Variants in CTXND1 observed in about 807,000 individuals in gnomAD.
CTXND1 encodes the protein cortexin domain-containing 1 protein.
At chr15:80,221,829 A>G (rs1390009847) in intron 1 of CTXND1, among the ~76,000 whole-genome samples, 2 of 152,152 alleles carry the variant, frequency 1.3e-5, no homozygotes, top group Non-Finnish European at 2.9e-5. Context: ...ATTCATTTCT[A>G]TGTAGTCTCA....
chr15:80,205,124 T>C (rs1219305914), intron 1 of CTXND1, among the ~76,000 whole-genome samples: 2 of 152,226 alleles, frequency 1.3e-5, no homozygotes, highest in Non-Finnish European at 2.9e-5. Context: ...CTGTTCCACA[T>C]CTTTTAAAAT....
intron 1 of CTXND1, among the ~76,000 whole-genome samples, chr15:80,249,278 G>C (rs1426480068): frequency 6.6e-6 from 1 of 152,138 alleles, no homozygotes. Flanking sequence ...AGTCTCAGGG[G>C]AACTCAGCTC....
chr15:80,210,312 C>T (rs1893192008), intron 1 of CTXND1, among the ~76,000 whole-genome samples: 1 of 152,164 alleles, frequency 6.6e-6, no homozygotes, highest in Admixed American at 6.5e-5. Flanking sequence ...AATATTAATA[C>T]TAGTAAGTAT....
chr15:80,200,912 T>TTTTC lies in CTXND1; in HGVS notation c.*857_*858insGAAA, dbSNP rs2041445731. Reference sequence around the variant, plus strand: ...ACCATGACCTACCCAACCGATGGGATGCCCTTCGGTCACTAAAACTGGCAG... The same window carrying TTTTC: ...ACCATGACCTACCCAACCGATGGGATTTTCGCCCTTCGGTCACTAAAACTGGCAG... On this transcript the variant is annotated 3_prime_UTR_variant, in exon 3 of 3. Coordinates refer to ENST00000560778, the MANE Select transcript of CTXND1 (RefSeq NM_001352888.2). The TTTTC allele has an allele frequency of 6.6e-6, 1 of 152,232 alleles. No homozygotes were observed. The highest frequency in any genetic ancestry group is 3.2e-3 in the Middle Eastern group (1 of 316). 9.4% of individuals were successfully genotyped at this position (152,232 alleles called of 1,614,324 possible).
At chr15:80,232,156 G>A (rs1893438986) in intron 1 of CTXND1, among the ~76,000 whole-genome samples, 1 of 152,154 alleles carries the variant, frequency 6.6e-6, no homozygotes, top group Admixed American at 6.5e-5. Flanking sequence ...ACGTGCAACT[G>A]ATCAATGGAG....
chr15:80,231,460 A>G (rs1428219381), intron 1 of CTXND1, among the ~76,000 whole-genome samples: 1 of 152,186 alleles, frequency 6.6e-6, no homozygotes, highest in Non-Finnish European at 1.5e-5. Flanking sequence ...TGCAGCTAAT[A>G]CCTCATTAAG....
At chr15:80,251,246 G>A (rs1200222085) in intron 1 of CTXND1, among the ~76,000 whole-genome samples, 1 of 152,162 alleles carries the variant, frequency 6.6e-6, no homozygotes, top group Non-Finnish European at 1.5e-5. Context: ...TGCGGGCACG[G>A]AGACTCTTAC....
chr15:80,237,099 G>A (rs148041424), intron 1 of CTXND1, among the ~76,000 whole-genome samples: 2 of 152,188 alleles, frequency 1.3e-5, no homozygotes, highest in Non-Finnish European at 2.9e-5. Flanking sequence ...ACTTTGGGAC[G>A]CCAAGGATGG....
At chr15:80,236,781 TAA>T (rs375195033) in intron 1 of CTXND1, among the ~76,000 whole-genome samples, 2 of 141,172 alleles carry the variant, frequency 1.4e-5, no homozygotes, top group Non-Finnish European at 1.5e-5. Context: ...GGACTCGGTC[TAA>T]AAAAAAAAAA....
chr15:80,231,267 T>C (rs1893425752), intron 1 of CTXND1, among the ~76,000 whole-genome samples: 1 of 151,964 alleles, frequency 6.6e-6, no homozygotes, highest in Non-Finnish European at 1.5e-5. Flanking sequence ...TGCTCCCTCA[T>C]TATCTCATGC....
intron 1 of CTXND1, among the ~76,000 whole-genome samples, chr15:80,245,972 C>T (rs1009566140): frequency 2.6e-5 from 4 of 152,118 alleles, no homozygotes; most frequent in Admixed American, 6.6e-5. Flanking sequence ...CAGAAAAACA[C>T]CAGGGAGACA....
At chr15:80,202,877 G>A (rs947381981) in intron 2 of CTXND1, among the ~76,000 whole-genome samples, 4 of 152,224 alleles carry the variant, frequency 2.6e-5, no homozygotes, top group East Asian at 1.9e-4. Context: ...CCACCACCCT[G>A]CAGGGCAGGT....
chr15:80,244,754 T>C (rs1406410443), intron 1 of CTXND1, among the ~76,000 whole-genome samples: 1 of 152,234 alleles, frequency 6.6e-6, no homozygotes, highest in African/African-American at 2.4e-5. Flanking sequence ...GCTGCTGGTC[T>C]GTGACCCTGT....
chr15:80,250,786 T>G (rs1893684548), intron 1 of CTXND1, among the ~76,000 whole-genome samples: 1 of 152,216 alleles, frequency 6.6e-6, no homozygotes, highest in African/African-American at 2.4e-5. Context: ...ATAAATCACC[T>G]TTAAAGCCTT....
chr15:80,240,256 C>T (rs1487619240), intron 1 of CTXND1, among the ~76,000 whole-genome samples: 1 of 152,192 alleles, frequency 6.6e-6, no homozygotes, highest in African/African-American at 2.4e-5. Context: ...TCAGCCACCA[C>T]ACCCCACCTA....
chr15:80,219,744 T>C lies in CTXND1; in HGVS notation c.-217-16004A>G, dbSNP rs1273446618. On this transcript the variant is annotated intron_variant, in intron 1 of 2. Transcript: ENST00000560778. ...ATGGGGTGTGTGAATGGTATGTCATTATGGATTTAATTTGCATTCCTCTGC... is the reference window on the plus strand; with the variant it reads ...ATGGGGTGTGTGAATGGTATGTCATCATGGATTTAATTTGCATTCCTCTGC... 2.0e-5 allele frequency among the ~76,000 whole-genome samples: 3 copies of C among 152,204 alleles called. No individual in the cohort carries two copies. The South Asian group carries it at 6.2e-4, about 32-fold the overall frequency.
At chr15:80,221,047 T>C (rs1462799215) in intron 1 of CTXND1, among the ~76,000 whole-genome samples, 2 of 151,878 alleles carry the variant, frequency 1.3e-5, no homozygotes, top group Non-Finnish European at 2.9e-5. Flanking sequence ...TAGCTGGGAC[T>C]ACAGGCACCC....
chr15:80,245,058 C>CCT (rs1442092385), intron 1 of CTXND1, among the ~76,000 whole-genome samples: 16 of 152,166 alleles, frequency 1.1e-4, no homozygotes, highest in African/African-American at 3.9e-4. Context: ...AGGGTACCAG[C>CCT]CTCACAGAGT....
At chr15:80,205,105 T>C (rs1595903339) in intron 1 of CTXND1, among the ~76,000 whole-genome samples, 1 of 152,334 alleles carries the variant, frequency 6.6e-6, no homozygotes, top group East Asian at 1.9e-4. Flanking sequence ...TGCAAGCCTG[T>C]TATATAAACT....
Sources: gnomAD v4.1 joint callset for allele counts (sites outside exome capture counted in the v4.1 genomes callset) on GRCh38, gnomAD v4.1.1 for gene constraint, MANE v1.5 for transcripts, NCBI Gene and HGNC (gene_info 2026-07-23, HGNC 2026-07-21) for gene names.